The following SHANK2 variants were observed in gnomAD, a reference collection of about 807,000 sequenced individuals.
SHANK2 encodes the protein SH3 and multiple ankyrin repeat domains 2, also known as SH3 and multiple ankyrin repeat domains protein 2.
A neutral mutation model predicts 133.7 loss-of-function variants in SHANK2; 43 were observed. The ratio of observed to expected loss-of-function variants is 0.32; its 90% CI spans 0.25 to 0.41. The LOEUF is 0.41. Among genes scored for constraint, SHANK2 ranks in the 10% least tolerant of loss-of-function variants. The probability of loss-of-function intolerance (pLI) is 1.00; values close to 1 mark genes in which losing one functional copy is unlikely to be tolerated. For missense variants in SHANK2, 1,994 were observed against 2,235.8 expected (o/e 0.89, Z 2.18); for synonymous variants, 1,017 against 952.8 (o/e 1.07, Z -1.24).
intron 15 of SHANK2, among the ~76,000 whole-genome samples, chr11:70,682,987 G>A (rs1198130788): frequency 1.3e-5 from 2 of 152,060 alleles, no homozygotes; most frequent in African/African-American, 4.8e-5. Flanking sequence ...GAAGGGCAAA[G>A]CTGGGACGTG....
rs112640918 is a variant in SHANK2 at position 70,624,658 on chromosome 11, G to A, written c.2061+35170C>T. ...AGGAACCAGGGAACCACGTGTCAACGTCTGGAGACATTCTTGGTTTTCACA... is the reference window on the plus strand; with the variant it reads ...AGGAACCAGGGAACCACGTGTCAACATCTGGAGACATTCTTGGTTTTCACA... On this transcript the variant is annotated intron_variant, in intron 17 of 25. Coordinates refer to ENST00000601538, the MANE Select transcript of SHANK2 (RefSeq NM_012309.5). Among the ~76,000 whole-genome samples, 244 of 152,304 alleles carry A rather than the reference G, an allele frequency of 1.6e-3. 1 individual carries two copies. The highest frequency in any genetic ancestry group is 5.5e-3 in the African/African-American group (228 of 41,560).
At chr11:71,085,587 T>TTA (rs1230829548) in intron 8 of SHANK2, among the ~76,000 whole-genome samples, 318 of 30,588 alleles carry the variant, frequency 0.01, 4 homozygotes, top group African/African-American at 0.03. Flanking sequence ...ATATAATATA[T>TTA]TATATAATAT....
intron 17 of SHANK2, among the ~76,000 whole-genome samples, chr11:70,614,364 G>A (rs568180944): frequency 6.6e-6 from 1 of 151,144 alleles, no homozygotes; most frequent in South Asian, 2.1e-4. Flanking sequence ...GGGCTGGAGT[G>A]CAGTGGCGTG....
chr11:70,889,852 T>C (rs1949812108), intron 11 of SHANK2, among the ~76,000 whole-genome samples: 2 of 152,032 alleles, frequency 1.3e-5, no homozygotes, highest in South Asian at 2.1e-4. Context: ...AGAAGGCTCC[T>C]GGGAATGGAG....
intron 10 of SHANK2, among the ~76,000 whole-genome samples, chr11:70,904,905 A>G (rs756147055): frequency 1.3e-5 from 2 of 152,112 alleles, no homozygotes; most frequent in Non-Finnish European, 2.9e-5. Context: ...GCCTTCCACC[A>G]GTATTGTGAG....
chr11:70,732,033 G>A (rs1204663242), intron 14 of SHANK2, among the ~76,000 whole-genome samples: 1 of 151,994 alleles, frequency 6.6e-6, no homozygotes, highest in African/African-American at 2.4e-5. Flanking sequence ...CTTCCTCTCT[G>A]GCCACACACA....
At chr11:70,915,645 G>A (rs148832584) in intron 10 of SHANK2, among the ~76,000 whole-genome samples, 1 of 152,122 alleles carries the variant, frequency 6.6e-6, no homozygotes, top group East Asian at 1.9e-4. Context: ...AGGTCCAGGA[G>A]GGAGTTAAAG....
intron 17 of SHANK2, among the ~76,000 whole-genome samples, chr11:70,648,893 T>C (rs2061304286): frequency 6.6e-6 from 1 of 152,124 alleles, no homozygotes; most frequent in African/African-American, 2.4e-5. Flanking sequence ...GGTGGTCCCT[T>C]ATCTGATGGG....
rs370699480 is a variant in SHANK2, at chr11:70,685,271, C to T, written c.1853+13417G>A. Among the ~76,000 whole-genome samples, 191 of 152,326 alleles carry T rather than the reference C, an allele frequency of 1.3e-3. 2 individuals are homozygous for T. Among genetic ancestry groups the T allele is most frequent in the African/African-American group, 4.5e-3 (185 of 41,564 alleles). On this transcript the variant is annotated intron_variant, in intron 15 of 25. Coordinates refer to ENST00000601538, the MANE Select transcript of SHANK2 (RefSeq NM_012309.5). Reference sequence around the variant, plus strand: ...TTTTGAACTCGCTTTTTCCACCCTCCTCCTGCCGCCCAGAAAAGAGCTGCC... The same window carrying T: ...TTTTGAACTCGCTTTTTCCACCCTCTTCCTGCCGCCCAGAAAAGAGCTGCC...
At chr11:70,515,127 A>G (rs2059248452) in intron 17 of SHANK2, among the ~76,000 whole-genome samples, 1 of 152,074 alleles carries the variant, frequency 6.6e-6, no homozygotes, top group African/African-American at 2.4e-5. Flanking sequence ...TGCAGCTTTG[A>G]CTTCCCAGGC....
At chr11:71,252,864 G>A (rs1200715517), upstream of SHANK2, among the ~76,000 whole-genome samples, 14 of 152,200 alleles carry the variant, frequency 9.2e-5, no homozygotes, top group Admixed American at 8.5e-4. The surrounding 1 kb of genome is among the most constrained non-coding windows in gnomAD (Gnocchi z 6.3). Context: ...CCCCCTCCCT[G>A]GCCAAAGCCG....
chr11:70,619,724 T>C lies in SHANK2; in HGVS notation c.2061+40104A>G, dbSNP rs191991947. 1.0e-2 allele frequency among the ~76,000 whole-genome samples: 1,515 copies of C among 151,600 alleles called. 33 individuals are homozygous for C. Among genetic ancestry groups the C allele is most frequent in the African/African-American group, 0.035 (1,447 of 40,880 alleles). ...GTGATAACGCCTCAGGGCCCCTCTC[T>C]TCCCCATCTCCCTCATTCTCTTTGG... On this transcript the variant is annotated intron_variant, in intron 17 of 25. Transcript: ENST00000601538.
At chr11:70,721,173 C>G (rs1047350446) in intron 14 of SHANK2, among the ~76,000 whole-genome samples, 9 of 152,194 alleles carry the variant, frequency 5.9e-5, no homozygotes, top group Non-Finnish European at 1.3e-4. Context: ...GTCTCCCTGG[C>G]ACGCTCTGCT....
intron 21 of SHANK2, 68 bp from the exon 22 acceptor site, chr11:70,492,533 G>A (rs1034492704): frequency 2.4e-5 from 39 of 1,597,856 alleles, no homozygotes; most frequent in Admixed American, 5.0e-5. Context: ...ATAGGAAAGC[G>A]CACAGGTGCA....
intron 10 of SHANK2, chr11:70,942,977 T>C: frequency 2.2e-6 from 1 of 448,946 alleles, no homozygotes; most frequent in Non-Finnish European, 4.5e-6. Flanking sequence ...AAGTTTAGCT[T>C]GGGAGACTTA....
At chr11:71,068,029 C>G (rs925574196) in intron 9 of SHANK2, among the ~76,000 whole-genome samples, 2 of 151,908 alleles carry the variant, frequency 1.3e-5, no homozygotes, top group East Asian at 1.9e-4. Flanking sequence ...CTAGCATCAT[C>G]GCCACCATCG....
chr11:70,753,830 G>T (rs1946805935), intron 14 of SHANK2, among the ~76,000 whole-genome samples: 1 of 151,844 alleles, frequency 6.6e-6, no homozygotes, highest in African/African-American at 2.4e-5. Context: ...GTGTGTGTTT[G>T]AGACAGAGTC....
chr11:70,537,171 G>A (rs2059555087), intron 17 of SHANK2, among the ~76,000 whole-genome samples: 1 of 152,142 alleles, frequency 6.6e-6, no homozygotes, highest in South Asian at 2.1e-4. Flanking sequence ...TCCCCTGCAG[G>A]GGTGTCCCCA....
In SHANK2 at chr11:70,486,963, C is replaced by G. The variant is rs1555154017; in HGVS notation, c.3330G>C (p.Glu1110Asp). 18 of 1,612,228 alleles carry G rather than the reference C, an allele frequency of 1.1e-5. No homozygotes were observed. The highest frequency in any genetic ancestry group is 8.5e-7 in the Non-Finnish European group (1 of 1,179,820). ...PAFLSTDLGDEDVGLGPPAPR... is the reference protein window; with the variant it reads ...PAFLSTDLGDDDVGLGPPAPR... The stretch of plus-strand genomic sequence containing the variant: ...GGGCGGGTGGCCCCAGGCCCACATC[C>G]TCATCCCCCAGGTCTGTGGAGAGGA... Residue 1110 changes from glutamate to aspartate, a missense_variant, in exon 25 of 26, where the codon GAG (glutamate) becomes GAC (aspartate). Glu to Asp is a conservative substitution (Grantham distance 45). Coordinates refer to ENST00000601538, the MANE Select transcript of SHANK2 (RefSeq NM_012309.5). The surrounding 1 kb of genome is among the most constrained non-coding windows in gnomAD (Gnocchi z 8.0).
Sources: gnomAD v4.1 joint callset for allele counts (sites outside exome capture counted in the v4.1 genomes callset) on GRCh38, gnomAD v4.1.1 for gene constraint, Gnocchi (gnomAD v3.1) non-coding constraint, MANE v1.5 for transcripts, NCBI Gene and HGNC (gene_info 2026-07-23, HGNC 2026-07-21) for gene names.